Variants in THRB observed in about 807,000 individuals in gnomAD.
THRB encodes thyroid hormone receptor beta, also known as nuclear receptor subfamily 1 group A member 2.
THRB carries 12 observed loss-of-function variants against 47.8 expected under a neutral mutation model. The ratio of observed to expected loss-of-function variants is 0.25; its 90% CI spans 0.16 to 0.41. The LOEUF (loss-of-function observed/expected upper bound fraction) is 0.41, where lower values mean the gene tolerates loss of function less well. Among genes scored for constraint, THRB ranks in the 10% least tolerant of loss-of-function variants. The pLI, the probability that THRB is intolerant of heterozygous loss-of-function variation, is 1.00. For missense variants in THRB, 348 were observed against 589.2 expected, an observed-to-expected ratio of 0.59 and a Z score of 4.24; for synonymous variants, 218 against 212.2, an observed-to-expected ratio of 1.03 and a Z score of -0.24.
At chr3:24,220,606 A>G (rs2047054087) in intron 4 of THRB, among the ~76,000 whole-genome samples, 1 of 152,166 alleles carries the variant, frequency 6.6e-6, no homozygotes, top group Non-Finnish European at 1.5e-5. Flanking sequence ...CATTTTGGAA[A>G]CTGAAGTTGT....
intron 1 of THRB, among the ~76,000 whole-genome samples, chr3:24,485,668 T>A (rs1473206717): frequency 6.6e-6 from 1 of 152,238 alleles, no homozygotes; most frequent in Non-Finnish European, 1.5e-5. Context: ...TCATTTATAG[T>A]CCTTTGCACA....
At chr3:24,197,881 T>C (rs1280322601) in intron 4 of THRB, among the ~76,000 whole-genome samples, 1 of 152,242 alleles carries the variant, frequency 6.6e-6, no homozygotes, top group African/African-American at 2.4e-5. Flanking sequence ...TTATTCTTCC[T>C]TGTCCTCAGG....
intron 3 of THRB, among the ~76,000 whole-genome samples, chr3:24,245,942 C>CAAAACA (rs1372201917): frequency 1.3e-5 from 2 of 151,920 alleles, no homozygotes; most frequent in African/African-American, 4.8e-5. Flanking sequence ...CAAAACAAAA[C>CAAAACA]AAACAGAGGG....
intron 1 of THRB, among the ~76,000 whole-genome samples, chr3:24,340,768 A>G (rs1380817794): frequency 6.6e-6 from 1 of 152,222 alleles, no homozygotes; most frequent in Non-Finnish European, 1.5e-5. Flanking sequence ...ATTTATGTCT[A>G]CGTCTGAAAG....
intron 4 of THRB, among the ~76,000 whole-genome samples, chr3:24,196,312 C>T (rs1373757695): frequency 1.3e-5 from 2 of 151,422 alleles, no homozygotes; most frequent in South Asian, 2.1e-4. Context: ...TTGGTAGCCT[C>T]GTGAGAGGTG....
rs151136850 is a variant in THRB, at chr3:24,148,585, C to T, written c.385-1763G>A. ...TGGCAAAACAAGTTTTGATGGATGT[C>T]TTCTGCTAAGGCCTAAAGGGGTCCT... On this transcript the variant is annotated intron_variant, in intron 6 of 10. Transcript: ENST00000646209. Among the ~76,000 whole-genome samples the T allele has an allele frequency of 5.4e-3, 829 of 152,288 alleles. 8 individuals carry two copies. The highest frequency in any genetic ancestry group is 0.019 in the African/African-American group (791 of 41,568).
intron 4 of THRB, among the ~76,000 whole-genome samples, chr3:24,191,033 CTT>C (rs755805598): frequency 7.9e-5 from 12 of 151,974 alleles, no homozygotes; most frequent in Admixed American, 3.9e-4. Flanking sequence ...GAATGATGAA[CTT>C]AAATTCTTTG....
chr3:24,434,236 C>CA (rs2070720081), intron 1 of THRB, among the ~76,000 whole-genome samples: 1 of 152,062 alleles, frequency 6.6e-6, no homozygotes, highest in South Asian at 2.1e-4. Context: ...ATGTTCTTGG[C>CA]AAAAAATCCT....
At chr3:24,314,289 G>A (rs2057962857) in intron 2 of THRB, among the ~76,000 whole-genome samples, 1 of 152,178 alleles carries the variant, frequency 6.6e-6, no homozygotes, top group Non-Finnish European at 1.5e-5. Context: ...AGACTGTAGG[G>A]ATGAGGAAGG....
chr3:24,265,921 TATAAGA>T lies in THRB; in HGVS notation c.-43+31299_-43+31304del, dbSNP rs142816702. Among the ~76,000 whole-genome samples, 1,099 of 152,290 alleles carry T rather than the reference TATAAGA, an allele frequency of 7.2e-3. 11 individuals carry two copies. The highest frequency in any genetic ancestry group is 0.025 in the African/African-American group (1,038 of 41,560). On this transcript the variant is annotated intron_variant, in intron 3 of 10. Transcript: ENST00000646209. ...AACTATGCACAGATAAGCAAATTAGTATAAGAATATCAAAAATAATATGAGAATGAA... is the reference window on the plus strand; with the variant it reads ...AACTATGCACAGATAAGCAAATTAGTATATCAAAAATAATATGAGAATGAA...
At chr3:24,274,422 T>C (rs971800455) in intron 3 of THRB, among the ~76,000 whole-genome samples, 1 of 152,182 alleles carries the variant, frequency 6.6e-6, no homozygotes, top group African/African-American at 2.4e-5. Context: ...TCATTTGTGT[T>C]CTCTTTCTTT....
At chr3:24,311,848 G>A (rs149573959) in intron 2 of THRB, among the ~76,000 whole-genome samples, 10 of 152,252 alleles carry the variant, frequency 6.6e-5, no homozygotes, top group South Asian at 2.1e-4. Flanking sequence ...TCTACAACAC[G>A]TATGTAATCT....
chr3:24,231,204 T>G (rs1419710169), intron 3 of THRB, among the ~76,000 whole-genome samples: 1 of 152,220 alleles, frequency 6.6e-6, no homozygotes. Context: ...AAATACAACA[T>G]TAATACAAAT....
intron 1 of THRB, among the ~76,000 whole-genome samples, chr3:24,426,806 T>C (rs1240170741): frequency 6.6e-6 from 1 of 151,944 alleles, no homozygotes; most frequent in African/African-American, 2.4e-5. Flanking sequence ...TTTTATCAGA[T>C]GAAACTCCCA....
intron 1 of THRB, among the ~76,000 whole-genome samples, chr3:24,337,690 G>A (rs2062352053): frequency 6.6e-6 from 1 of 152,176 alleles, no homozygotes; most frequent in Admixed American, 6.5e-5. Context: ...AGTCTGGGAA[G>A]ATGAATAAAA....
chr3:24,490,617 G>C (rs1697996250), intron 1 of THRB, among the ~76,000 whole-genome samples: 1 of 152,124 alleles, frequency 6.6e-6, no homozygotes, highest in Admixed American at 6.6e-5. Context: ...GAGCTATATA[G>C]ACTAAAGCCC....
chr3:24,148,901 A>T (rs951471360), intron 6 of THRB, among the ~76,000 whole-genome samples: 2 of 152,240 alleles, frequency 1.3e-5, no homozygotes, highest in Admixed American at 6.5e-5. Context: ...TTCTAACAGA[A>T]AACTGTCAAT....
chr3:24,251,212 T>G (rs2050634670), intron 3 of THRB, among the ~76,000 whole-genome samples: 1 of 152,104 alleles, frequency 6.6e-6, no homozygotes, highest in Non-Finnish European at 1.5e-5. Context: ...CTGTACTTAC[T>G]AAAGGAAATA....
intron 3 of THRB, among the ~76,000 whole-genome samples, chr3:24,246,677 A>C (rs1349322816): frequency 6.6e-6 from 1 of 152,176 alleles, no homozygotes; most frequent in Non-Finnish European, 1.5e-5. Context: ...CAGTGAGAGA[A>C]TATTTAGAAG....
Sources: gnomAD v4.1 joint callset for allele counts (sites outside exome capture counted in the v4.1 genomes callset) on GRCh38, gnomAD v4.1.1 for gene constraint, MANE v1.5 for transcripts, NCBI Gene and HGNC (gene_info 2026-07-23, HGNC 2026-07-21) for gene names.